OGFOD3: variants seen among roughly 807,000 people sequenced by gnomAD.
The protein encoded by OGFOD3 is 2-oxoglutarate and iron-dependent oxygenase domain-containing protein 3.
A neutral mutation model predicts 39.8 loss-of-function variants in OGFOD3; 35 were observed. That is an observed-to-expected ratio of 0.88 (90% CI 0.67 to 1.17). OGFOD3 has a LOEUF of 1.17. Among genes scored for constraint, OGFOD3 ranks in the 50% most tolerant of loss-of-function variants. The probability of loss-of-function intolerance (pLI) is 0.00; values close to 1 mark genes in which losing one functional copy is unlikely to be tolerated. For missense variants in OGFOD3, 438 were observed against 454.5 expected, an observed-to-expected ratio of 0.96 and a Z score of 0.33; for synonymous variants, 200 against 192.0, an observed-to-expected ratio of 1.04 and a Z score of -0.34.
chr17:82,406,593 G>A lies in OGFOD3; in HGVS notation c.424-111C>T. ...AAGGTCTGGCCAGCACACACCTCAG[G>A]TGTTTTTTTGTTTTTGTTTTTGTTT... On this transcript the variant is annotated intron_variant, in intron 4 of 8. Coordinates refer to ENST00000313056, the MANE Select transcript of OGFOD3 (RefSeq NM_024648.3). The surrounding 1 kb of genome is among the most constrained non-coding windows in gnomAD (Gnocchi z 5.2). The A allele has an allele frequency of 2.2e-6, 2 of 894,252 alleles. No homozygotes were observed. Among genetic ancestry groups the A allele is most frequent in the Non-Finnish European group, 3.6e-6 (2 of 548,028 alleles). 55.4% of individuals were successfully genotyped at this position (894,252 alleles called of 1,614,324 possible).
Position 82,390,649 on chromosome 17 carries a change from G to A in OGFOD3, c.*1749C>T, listed in dbSNP as rs761285314. ...GGACCCAGGGAGCCTATCCCACGCC[G>A]TCCTCCGCATGTGGCCCGTGGTGCA... On this transcript the variant is annotated 3_prime_UTR_variant, in exon 9 of 9. Transcript: ENST00000313056. This position sits in a 1 kb window ranked among gnomAD's most constrained non-coding sequence, Gnocchi z 4.9. 23 of 178,330 alleles carry A rather than the reference G, an allele frequency of 1.3e-4. No homozygotes were observed. The highest frequency in any genetic ancestry group is 6.3e-4 in the Admixed American group (10 of 15,792). 11.0% of individuals were successfully genotyped at this position (178,330 alleles called of 1,614,324 possible).
In OGFOD3 at chr17:82,418,408, C is replaced by T; in HGVS notation, c.74+4G>A. Reference sequence around the variant, plus strand: ...GCGCGCGCCCTTCCCCTCCTCACCGCTACCTGCTCCGGTTCCGGCGCTCGG... The same window carrying T: ...GCGCGCGCCCTTCCCCTCCTCACCGTTACCTGCTCCGGTTCCGGCGCTCGG... On this transcript the variant is annotated splice_donor_region_variant and intron_variant, in intron 1 of 8. Coordinates refer to ENST00000313056, the MANE Select transcript of OGFOD3 (RefSeq NM_024648.3). 6.8e-7 allele frequency: 1 copy of T among 1,478,430 alleles called. No homozygotes were observed. Among genetic ancestry groups the T allele is most frequent in the East Asian group, 3.0e-5 (1 of 33,700 alleles). 91.6% of individuals were successfully genotyped at this position (1,478,430 alleles called of 1,614,324 possible). A position where few individuals can be genotyped will look rare whatever the true frequency, so the allele number is the denominator to read the frequency against.
chr17:82,412,774 T>A (rs2052972074), intron 2 of OGFOD3, among the ~76,000 whole-genome samples: 1 of 152,316 alleles, frequency 6.6e-6, no homozygotes, highest in South Asian at 2.1e-4. Context: ...AGGCCATGCC[T>A]GATCGATCAG....
chr17:82,392,743 G>C lies in OGFOD3; in HGVS notation c.824-209C>G, dbSNP rs907893896. The C allele has an allele frequency of 4.0e-5, 26 of 644,068 alleles. No homozygotes were observed. The highest frequency in any genetic ancestry group is 5.7e-5 in the East Asian group (2 of 35,008). 39.9% of individuals were successfully genotyped at this position (644,068 alleles called of 1,614,324 possible). ...CAATGCTCAGGGGCCCTGTGGCGGAGGAGGGGCCCCCCGGGGCCAGCAGGG... is the reference window on the plus strand; with the variant it reads ...CAATGCTCAGGGGCCCTGTGGCGGACGAGGGGCCCCCCGGGGCCAGCAGGG... On this transcript the variant is annotated intron_variant, in intron 8 of 8. Coordinates refer to ENST00000313056, the MANE Select transcript of OGFOD3 (RefSeq NM_024648.3). This position sits in a 1 kb window ranked among gnomAD's most constrained non-coding sequence, Gnocchi z 4.2.
At chr17:82,398,675 G>C (rs1426445891) in intron 7 of OGFOD3, among the ~76,000 whole-genome samples, 2 of 151,490 alleles carry the variant, frequency 1.3e-5, no homozygotes. Context: ...CTGGGATTAC[G>C]GGCATGAGCC....
At chr17:82,394,892 C>A (rs559161382) in intron 8 of OGFOD3, among the ~76,000 whole-genome samples, 2 of 152,176 alleles carry the variant, frequency 1.3e-5, no homozygotes, top group African/African-American at 4.8e-5. Context: ...GTCAGTGACA[C>A]CCCCGAATAT....
At chr17:82,418,000 C>T (rs2053098021) in intron 1 of OGFOD3, among the ~76,000 whole-genome samples, 1 of 152,174 alleles carries the variant, frequency 6.6e-6, no homozygotes, top group African/African-American at 2.4e-5. Flanking sequence ...TAGAATTCCA[C>T]GGGGAAAGCA....
At position 82,392,282 on chromosome 17, in the gene OGFOD3, A is replaced by C; in HGVS notation, c.*116T>G. 3 of 1,145,244 alleles carry C rather than the reference A, an allele frequency of 2.6e-6. No homozygotes were observed. Among genetic ancestry groups the C allele is most frequent in the Non-Finnish European group, 3.7e-6 (3 of 818,242 alleles). 70.9% of individuals were successfully genotyped at this position (1,145,244 alleles called of 1,614,324 possible). On this transcript the variant is annotated 3_prime_UTR_variant, in exon 9 of 9. Coordinates refer to ENST00000313056, the MANE Select transcript of OGFOD3 (RefSeq NM_024648.3). The surrounding 1 kb of genome is among the most constrained non-coding windows in gnomAD (Gnocchi z 4.2). ...ATTAACACGTCAGCAAATCAAAATC[A>C]GAGAATTCCTAAGGCACTCTGTGCA...
chr17:82,413,223 C>T (rs1228561147), intron 2 of OGFOD3, among the ~76,000 whole-genome samples: 5 of 152,218 alleles, frequency 3.3e-5, no homozygotes, highest in Non-Finnish European at 7.3e-5. Context: ...CACACAGGCC[C>T]GTGGCGCAGC....
At position 82,418,520 on chromosome 17, in the gene OGFOD3, G is replaced by C; in HGVS notation, c.-35C>G. Reference sequence around the variant, plus strand: ...CCGCCGCGGAGCCGGGCCGGACGCGGGCGCCAGGCCCGGGGACGAACGCCG... The same window carrying C: ...CCGCCGCGGAGCCGGGCCGGACGCGCGCGCCAGGCCCGGGGACGAACGCCG... On this transcript the variant is annotated 5_prime_UTR_variant, in exon 1 of 9. Coordinates refer to ENST00000313056, the MANE Select transcript of OGFOD3 (RefSeq NM_024648.3). 7.9e-7 allele frequency: 1 copy of C among 1,270,322 alleles called. No individual in the cohort carries two copies. The highest frequency in any genetic ancestry group is 1.0e-6 in the Non-Finnish European group (1 of 992,996). The allele number at this position is 1,270,322 out of a possible 1,614,324, so 78.7% of individuals were successfully genotyped here.
intron 8 of OGFOD3, chr17:82,393,214 C>A (rs1054205849): frequency 2.6e-5 from 4 of 152,228 alleles, no homozygotes; most frequent in Non-Finnish European, 4.4e-5. Flanking sequence ...ACACAGCCAT[C>A]GACCGTCACC....
At chr17:82,414,443 C>T (rs1313793232) in intron 2 of OGFOD3, among the ~76,000 whole-genome samples, 1 of 152,190 alleles carries the variant, frequency 6.6e-6, no homozygotes, top group Non-Finnish European at 1.5e-5. Context: ...GCCATTGAAA[C>T]TATTTTTAAT....
intron 2 of OGFOD3, among the ~76,000 whole-genome samples, chr17:82,414,688 G>T (rs1326390930): frequency 6.6e-6 from 1 of 152,218 alleles, no homozygotes; most frequent in Non-Finnish European, 1.5e-5. Flanking sequence ...CTTTGTGGAA[G>T]AACTTGGCAA....
In OGFOD3 at chr17:82,405,388, A is replaced by G; in HGVS notation, c.489-8T>C. 1 of 1,611,878 alleles carries G rather than the reference A, an allele frequency of 6.2e-7. No homozygotes were observed. Among genetic ancestry groups the G allele is most frequent in the Non-Finnish European group, 8.5e-7 (1 of 1,177,864 alleles). ...ATTTTATCCCCGAAGTATCTGTGAAAAAAGGAGTATTCACAAAGGTCACAA... is the reference window on the plus strand; with the variant it reads ...ATTTTATCCCCGAAGTATCTGTGAAGAAAGGAGTATTCACAAAGGTCACAA... On this transcript the variant is annotated splice_polypyrimidine_tract_variant and splice_region_variant and intron_variant, in intron 5 of 8. Transcript: ENST00000313056.
intron 5 of OGFOD3, among the ~76,000 whole-genome samples, chr17:82,405,775 C>A (rs1567871284): frequency 6.6e-6 from 1 of 151,910 alleles, no homozygotes; most frequent in African/African-American, 2.4e-5. Context: ...CATGGCACAA[C>A]CCCATCTCTA....
chr17:82,394,082 T>C (rs536569727), intron 8 of OGFOD3, among the ~76,000 whole-genome samples: 150 of 151,390 alleles, frequency 9.9e-4, no homozygotes, highest in African/African-American at 3.6e-3. Context: ...CTCTGCCTCC[T>C]GGGTTCACGC....
rs186487627 is a variant in OGFOD3, at chr17:82,412,073, A to C, written c.305-543T>G. Reference sequence around the variant, plus strand: ...CACTGGCGCAGAAAACCCTCCTGAGACCGCCAGAGAGGAAAACCCTCCTGA... The same window carrying C: ...CACTGGCGCAGAAAACCCTCCTGAGCCCGCCAGAGAGGAAAACCCTCCTGA... On this transcript the variant is annotated intron_variant, in intron 2 of 8. Coordinates refer to ENST00000313056, the MANE Select transcript of OGFOD3 (RefSeq NM_024648.3). 6.1e-5 allele frequency among the ~76,000 whole-genome samples: 4 copies of C among 65,944 alleles called. No homozygotes were observed. In the South Asian group the frequency reaches 2.6e-3, roughly 43 times the overall value. 43.3% of individuals were successfully genotyped at this position (65,944 alleles called of 152,430 possible). A position where few individuals can be genotyped will look rare whatever the true frequency, so the allele number is the denominator to read the frequency against.
At position 82,389,378 on chromosome 17, in the gene OGFOD3, C is replaced by T. The variant is rs1405378961; in HGVS notation, c.*3020G>A. 6.6e-6 allele frequency: 1 copy of T among 152,256 alleles called. No homozygotes were observed. Among genetic ancestry groups the T allele is most frequent in the African/African-American group, 2.4e-5 (1 of 41,460 alleles). 9.4% of individuals were successfully genotyped at this position (152,256 alleles called of 1,614,324 possible). A position where few individuals can be genotyped will look rare whatever the true frequency, so the allele number is the denominator to read the frequency against. On this transcript the variant is annotated 3_prime_UTR_variant, in exon 9 of 9. Transcript: ENST00000313056. This position sits in a 1 kb window ranked among gnomAD's most constrained non-coding sequence, Gnocchi z 4.6. ...CCTCGTGGCTCCTGGAACAGCCTCA[C>T]GTCGGCCACACCCGACACTTTCATC... is the stretch of plus-strand genomic sequence containing the variant.
At chr17:82,413,107 T>C (rs1292443812) in intron 2 of OGFOD3, among the ~76,000 whole-genome samples, 1 of 152,194 alleles carries the variant, frequency 6.6e-6, no homozygotes, top group Non-Finnish European at 1.5e-5. Flanking sequence ...GACATAGGTG[T>C]TGTATTTCAA....
Sources: gnomAD v4.1 joint callset for allele counts (sites outside exome capture counted in the v4.1 genomes callset) on GRCh38, gnomAD v4.1.1 for gene constraint, Gnocchi (gnomAD v3.1) non-coding constraint, MANE v1.5 for transcripts, NCBI Gene and HGNC (gene_info 2026-07-23, HGNC 2026-07-21) for gene names.